Variants in LRRC43 observed in about 807,000 individuals in gnomAD.
The protein encoded by LRRC43 is leucine-rich repeat-containing protein 43.
Under a neutral mutation model 64.3 loss-of-function variants are expected in LRRC43, and 62 were observed. The observed-to-expected ratio is 0.96, with a 90% CI of 0.79 to 1.19. LRRC43 has a LOEUF of 1.19. Among genes scored for constraint, LRRC43 ranks in the 50% most tolerant of loss-of-function variants. LRRC43 has a pLI of 0.00. For synonymous variants in LRRC43, 422 were observed against 382.3 expected (o/e 1.10, Z -1.21); for missense variants, 868 against 845.0 (o/e 1.03, Z -0.34).
At chr12:122,174,991 C>T (rs1037699295) in intron 1 of LRRC43, among the ~76,000 whole-genome samples, 2 of 151,850 alleles carry the variant, frequency 1.3e-5, no homozygotes, top group Non-Finnish European at 2.9e-5. Flanking sequence ...AGGCACGTGC[C>T]ACCATGCCCA....
chr12:122,184,667 A>G lies in LRRC43; in HGVS notation c.299A>G (p.Asn100Ser), dbSNP rs774015043. The change falls in exon 2 of 12, where the codon AAC becomes AGC. Residue 100 changes from asparagine to serine, a missense_variant. Asn to Ser is a conservative substitution (Grantham distance 46). Coordinates refer to ENST00000339777, the MANE Select transcript of LRRC43 (RefSeq NM_001098519.2). This position sits in a 1 kb window ranked among gnomAD's most constrained non-coding sequence, Gnocchi z 4.0. Reference protein sequence around the residue: ...SRHSPWALLNNSNAEDSFLRE... With the variant: ...SRHSPWALLNSSNAEDSFLRE... ...CACTCCCCCTGGGCTCTGCTGAACA[A>G]CTCGAATGCAGAAGACAGTTTCCTG... The G allele has an allele frequency of 3.7e-6, 6 of 1,613,776 alleles. No homozygotes were observed. In the African/African-American group the frequency reaches 8.0e-5, roughly 22 times the overall value.
rs564118740 is a variant in LRRC43, at chr12:122,177,251, G to C, written c.-405-7268G>C. 2.4e-3 allele frequency among the ~76,000 whole-genome samples: 358 copies of C among 152,256 alleles called. 3 individuals are homozygous for C. The highest frequency in any genetic ancestry group is 8.4e-3 in the African/African-American group (350 of 41,558). On this transcript the variant is annotated intron_variant, in intron 1 of 5. Transcript: ENST00000537729. ...AGGAAGTCAGAGAGATTACGAGCAA[G>C]AGAAGGGCTCACCTGCTGTTGCTGG...
At chr12:122,170,942 C>T (rs777025295) in intron 1 of LRRC43, among the ~76,000 whole-genome samples, 47 of 152,236 alleles carry the variant, frequency 3.1e-4, no homozygotes, top group Non-Finnish European at 2.1e-4. Context: ...GGGTGAGACC[C>T]AATGATTGAC....
chr12:122,202,513 G>C (rs1953853818), intron 11 of LRRC43: 1 of 152,010 alleles, frequency 6.6e-6, no homozygotes, highest in Non-Finnish European at 1.5e-5. Context: ...ATTTTGAACG[G>C]ATATTTTACC....
chr12:122,200,267 G>A lies in LRRC43; in HGVS notation c.1428G>A (p.Arg476=). Residue 476 remains arginine, a synonymous_variant, in exon 8 of 12, where the codon AGG becomes AGA. Transcript: ENST00000339777. The surrounding 1 kb of genome is among the most constrained non-coding windows in gnomAD (Gnocchi z 4.6). ...GTTACGAGATGCAGCACTCTCTCAG[G>A]GACCTGGTCCCACTGAAGGCCTTCC... ...PCSYEMQHSL[R]DLVPLKAFLL... The A allele has an allele frequency of 6.2e-7, 1 of 1,613,866 alleles. No homozygotes were observed. Among genetic ancestry groups the A allele is most frequent in the Non-Finnish European group, 8.5e-7 (1 of 1,180,012 alleles).
At chr12:122,181,333 G>T (rs1455348883), upstream of LRRC43, among the ~76,000 whole-genome samples, 2 of 151,916 alleles carry the variant, frequency 1.3e-5, no homozygotes, top group African/African-American at 4.8e-5. Flanking sequence ...GACGAGGTCA[G>T]GAGATCGAGA....
intron 2 of LRRC43, among the ~76,000 whole-genome samples, chr12:122,185,621 C>T (rs553581767): frequency 1.3e-5 from 2 of 152,324 alleles, no homozygotes; most frequent in South Asian, 4.1e-4. Context: ...GGAAGTGACA[C>T]GGCACTAGGG....
At chr12:122,187,033 A>G (rs566986228) in intron 3 of LRRC43, among the ~76,000 whole-genome samples, 1 of 152,210 alleles carries the variant, frequency 6.6e-6, no homozygotes, top group African/African-American at 2.4e-5. Context: ...CAGGAATTCA[A>G]AACCAGCCTG....
At position 122,201,773 on chromosome 12, in the gene LRRC43, C is replaced by T. The variant is rs114577725; in HGVS notation, c.1843+444C>T. Among the ~76,000 whole-genome samples, 570 of 152,224 alleles carry T rather than the reference C, an allele frequency of 3.7e-3. 2 individuals are homozygous for T. Among genetic ancestry groups the T allele is most frequent in the African/African-American group, 0.013 (542 of 41,530 alleles). ...GGGAGAGAAAGGAGACAGGGAGTGC[C>T]GTGGGAGGTGGCTGCAAAAAGCATG... is the stretch of plus-strand genomic sequence containing the variant. On this transcript the variant is annotated intron_variant, in intron 11 of 11. Transcript: ENST00000339777.
At chr12:122,186,339 C>A in intron 3 of LRRC43, 39 bp downstream of exon 3, 1 of 1,359,392 alleles carries the variant, frequency 7.4e-7, no homozygotes, top group Non-Finnish European at 1.0e-6. Context: ...TTTGGGCCTC[C>A]GCTGCCCAGA....
chr12:122,176,691 G>T (rs748196894), intron 1 of LRRC43, among the ~76,000 whole-genome samples: 4 of 150,710 alleles, frequency 2.7e-5, no homozygotes, highest in African/African-American at 7.3e-5. Context: ...GTCTCACTTT[G>T]TCGCACAGGC....
intron 7 of LRRC43, among the ~76,000 whole-genome samples, chr12:122,198,424 G>GCGTC (rs1953793483): frequency 6.6e-6 from 1 of 152,000 alleles, no homozygotes; most frequent in Admixed American, 6.6e-5. Flanking sequence ...TACCCATTAG[G>GCGTC]CGTCACCTTC....
intron 1 of LRRC43, among the ~76,000 whole-genome samples, chr12:122,177,089 T>C (rs1217611942): frequency 6.6e-6 from 1 of 152,162 alleles, no homozygotes; most frequent in Non-Finnish European, 1.5e-5. Flanking sequence ...TTTACTGCCA[T>C]AATTATGTTG....
chr12:122,193,584 G>A (rs943135536), intron 7 of LRRC43, among the ~76,000 whole-genome samples: 7 of 151,746 alleles, frequency 4.6e-5, no homozygotes, highest in South Asian at 2.1e-4. Flanking sequence ...CTTTTTTGGC[G>A]GGGACAGTCT....
chr12:122,189,397 T>G (rs796264924), intron 4 of LRRC43: 11 of 456,394 alleles, frequency 2.4e-5, no homozygotes, highest in African/African-American at 2.2e-4. Context: ...CCTCCCCTTC[T>G]CTTCTGCTCT....
rs1953867872 is a variant in LRRC43 at position 122,203,398 on chromosome 12, C to G, written c.1927C>G (p.Gln643Glu). The G allele has an allele frequency of 1.9e-6, 3 of 1,612,682 alleles. No individual in the cohort carries two copies. The highest frequency in any genetic ancestry group is 1.7e-6 in the Non-Finnish European group (2 of 1,179,718). Reference sequence around the variant, plus strand: ...CGTAGAGGTGCAGATCCAGCTGAACCAGTGCCGCTCGGCGGAGGAGGCTCT... The same window carrying G: ...CGTAGAGGTGCAGATCCAGCTGAACGAGTGCCGCTCGGCGGAGGAGGCTCT... ...LTVEVQIQLN[Q>E]CRSAEEALRM... The change falls in exon 12 of 12, where the codon CAG (glutamine) becomes GAG (glutamate). Residue 643 changes from glutamine (Q) to glutamate (E), a missense_variant. Coordinates refer to ENST00000339777, the MANE Select transcript of LRRC43 (RefSeq NM_001098519.2).
rs1408706555 is a variant in LRRC43 at position 122,186,294 on chromosome 12, A to G, written c.516A>G (p.Thr172=). ...TGGATGCCACCAATCTGCCCCCCACACTCAAGGTGAAGGAGCCCCGGTCTG... is the reference window on the plus strand; with the variant it reads ...TGGATGCCACCAATCTGCCCCCCACGCTCAAGGTGAAGGAGCCCCGGTCTG... ...KEVDATNLPP[T]LKVLELYGNE... The change falls in exon 3 of 12, where the codon ACA becomes ACG. Residue 172 remains threonine, a synonymous_variant. Coordinates refer to ENST00000339777, the MANE Select transcript of LRRC43 (RefSeq NM_001098519.2). 1 of 1,591,014 alleles carries G rather than the reference A, an allele frequency of 6.3e-7. No individual in the cohort carries two copies. The highest frequency in any genetic ancestry group is 8.6e-7 in the Non-Finnish European group (1 of 1,167,812).
chr12:122,179,893 C>A (rs1158396457), upstream of LRRC43, among the ~76,000 whole-genome samples: 1 of 150,738 alleles, frequency 6.6e-6, no homozygotes, highest in Non-Finnish European at 1.5e-5. Context: ...ATTGCTTGAA[C>A]CCAGAAGGTG....
Position 122,201,345 on chromosome 12 carries a change from G to C in LRRC43, c.1843+16G>C, listed in dbSNP as rs1343967067. The C allele has an allele frequency of 6.2e-7, 1 of 1,613,016 alleles. No homozygotes were observed. The highest frequency in any genetic ancestry group is 8.5e-7 in the Non-Finnish European group (1 of 1,178,996). ...GCCAAAAAAGGTGAGTGCCGATGGTGGTGACCAAAGGCAGGGATTGTCAGG... is the reference window on the plus strand; with the variant it reads ...GCCAAAAAAGGTGAGTGCCGATGGTCGTGACCAAAGGCAGGGATTGTCAGG... On this transcript the variant is annotated intron_variant, in intron 11 of 11. Transcript: ENST00000339777.
Sources: allele counts gnomAD v4.1 joint callset (sites outside exome capture counted in the v4.1 genomes callset), GRCh38; gene constraint gnomAD v4.1.1; non-coding constraint Gnocchi (gnomAD v3.1); transcripts MANE v1.5; gene names NCBI Gene and HGNC (gene_info 2026-07-23, HGNC 2026-07-21).